Variants in CFAP54 observed in about 807,000 individuals in gnomAD.
CFAP54 encodes the protein cilia and flagella associated protein 54, also known as cilia- and flagella-associated protein 54.
In CFAP54, 290 loss-of-function variants were observed where a neutral mutation model predicts 370.4. The observed-to-expected ratio is 0.78, with a 90% confidence interval of 0.71 to 0.86. The LOEUF is 0.86. CFAP54 is among the 40% of genes least tolerant of loss of function. The pLI is 0.00. For synonymous variants in CFAP54, 1,206 were observed against 1,236.5 expected, an observed-to-expected ratio of 0.98 and a Z score of 0.52; for missense variants, 3,399 against 3,528.7, an observed-to-expected ratio of 0.96 and a Z score of 0.93.
At chr12:96,630,436 A>G in intron 31 of CFAP54, 115 bp from the exon 32 acceptor site, 2 of 643,806 alleles carry the variant, frequency 3.1e-6, no homozygotes, top group Non-Finnish European at 4.9e-6. Context: ...ATTTTAATTG[A>G]GGATATAAAC....
At chr12:96,490,408 A>C (rs971590335) in intron 1 of CFAP54, among the ~76,000 whole-genome samples, 1 of 152,250 alleles carries the variant, frequency 6.6e-6, no homozygotes, top group Non-Finnish European at 1.5e-5. Context: ...TTGTATCAAG[A>C]GCTAGCTTCA....
chr12:96,662,939 TATA>T (rs1182188765), intron 38 of CFAP54, among the ~76,000 whole-genome samples: 1 of 152,212 alleles, frequency 6.6e-6, no homozygotes. Flanking sequence ...TAATATATTA[TATA>T]ATGTACCATA....
At chr12:96,740,593 A>T (rs951933207) in intron 51 of CFAP54, among the ~76,000 whole-genome samples, 3 of 152,254 alleles carry the variant, frequency 2.0e-5, no homozygotes, top group Non-Finnish European at 4.4e-5. Context: ...AATTATAAAG[A>T]TTCATCATAT....
rs1956944004 is a variant in CFAP54 at position 96,658,094 on chromosome 12, T to C, written c.5313T>C (p.Asn1771=). 10 of 1,612,430 alleles carry C rather than the reference T, an allele frequency of 6.2e-6. No homozygotes were observed. The highest frequency in any genetic ancestry group is 7.6e-6 in the Non-Finnish European group (9 of 1,179,144). ...ETLVSLAIQF[N]TVSHERYTEQ... ...TAGTATCTCTTGCCATTCAGTTCAA[T>C]ACAGTTTCACAGTAAGTACTGCTGT... The change falls in exon 37 of 68, where the codon AAT becomes AAC. Residue 1771 remains asparagine (N), a synonymous_variant. Transcript: ENST00000524981.
intron 67 of CFAP54, among the ~76,000 whole-genome samples, chr12:96,869,750 A>T (rs1960101604): frequency 6.6e-6 from 1 of 151,910 alleles, no homozygotes; most frequent in Middle Eastern, 3.4e-3. Context: ...AGCCTGACCA[A>T]CATGGCGAAA....
At chr12:96,525,407 T>A (rs572014212) in intron 8 of CFAP54, among the ~76,000 whole-genome samples, 1 of 152,094 alleles carries the variant, frequency 6.6e-6, no homozygotes, top group Non-Finnish European at 1.5e-5. Context: ...TTTTTATAGA[T>A]CTTTTAAATA....
rs531752509 is a variant in CFAP54, at chr12:96,710,276, A to G, written c.6724+1473A>G. On this transcript the variant is annotated intron_variant, in intron 48 of 67. Coordinates refer to ENST00000524981, the MANE Select transcript of CFAP54 (RefSeq NM_001306084.2). Reference sequence around the variant, plus strand: ...GGGTGCGCCACACCACTGTGGGAGAAGGGAACACAGGAGAGCTTGGCTGCG... The same window carrying G: ...GGGTGCGCCACACCACTGTGGGAGAGGGGAACACAGGAGAGCTTGGCTGCG... 1.3e-3 allele frequency among the ~76,000 whole-genome samples: 192 copies of G among 152,320 alleles called. 1 individual carries two copies. Among genetic ancestry groups the G allele is most frequent in the African/African-American group, 4.4e-3 (184 of 41,566 alleles).
intron 19 of CFAP54, among the ~76,000 whole-genome samples, chr12:96,565,429 C>T (rs1486562206): frequency 2.0e-5 from 3 of 151,890 alleles, no homozygotes; most frequent in East Asian, 3.9e-4. Flanking sequence ...GAGTCAGACC[C>T]TTAGTATGCT....
intron 28 of CFAP54, 51 bp downstream of exon 28, chr12:96,623,932 C>T (rs570536947): frequency 7.3e-5 from 85 of 1,166,330 alleles, no homozygotes; most frequent in South Asian, 3.8e-4. Flanking sequence ...TTTTTTAAAA[C>T]GAGAAACTAT....
chr12:96,729,180 G>A (rs551023624), intron 50 of CFAP54, among the ~76,000 whole-genome samples: 64 of 152,282 alleles, frequency 4.2e-4, no homozygotes, highest in East Asian at 1.5e-3. Flanking sequence ...CTCCAGCTGC[G>A]TGCTGGGAGA....
chr12:96,684,554 T>C, intron 40 of CFAP54, 94 bp from the exon 41 acceptor site: 1 of 973,592 alleles, frequency 1.0e-6, no homozygotes, highest in South Asian at 1.5e-5. Flanking sequence ...ATCTACACAG[T>C]TAAGGAATAG....
At chr12:96,539,053 G>A (rs1351577666) in intron 13 of CFAP54, among the ~76,000 whole-genome samples, 3 of 140,258 alleles carry the variant, frequency 2.1e-5, no homozygotes, top group Non-Finnish European at 4.7e-5. Flanking sequence ...CACCACGCCC[G>A]GCCTTTTCAG....
At chr12:96,774,772 C>A in intron 60 of CFAP54, among the ~76,000 whole-genome samples, 1 of 152,046 alleles carries the variant, frequency 6.6e-6, no homozygotes, top group African/African-American at 2.4e-5. Context: ...GTTCACATCC[C>A]TTAGGGTGTT....
chr12:96,630,497 C>A, intron 31 of CFAP54, 54 bp from the exon 32 acceptor site: 1 of 911,812 alleles, frequency 1.1e-6, no homozygotes, highest in Non-Finnish European at 1.6e-6. Context: ...ATAAATTATA[C>A]TACTGTGTTC....
At chr12:96,805,488 A>G (rs1191977142) in intron 63 of CFAP54, among the ~76,000 whole-genome samples, 1 of 152,138 alleles carries the variant, frequency 6.6e-6, no homozygotes, top group Admixed American at 6.5e-5. Flanking sequence ...AGTGCTCAAC[A>G]TCACTAATCA....
At chr12:96,786,580 A>G (rs1958631415) in intron 61 of CFAP54, 95 bp from the exon 62 acceptor site, 2 of 851,856 alleles carry the variant, frequency 2.3e-6, no homozygotes, top group Admixed American at 2.7e-5. Context: ...AGGTGGGAAT[A>G]TGTAACGATA....
chr12:96,683,091 A>C (rs1957289597), intron 40 of CFAP54, among the ~76,000 whole-genome samples: 1 of 152,214 alleles, frequency 6.6e-6, no homozygotes, highest in Non-Finnish European at 1.5e-5. Flanking sequence ...CCTGAAATAA[A>C]ATTTGTATTT....
intron 65 of CFAP54, among the ~76,000 whole-genome samples, chr12:96,828,537 A>T (rs1471160064): frequency 6.6e-6 from 1 of 152,158 alleles, no homozygotes; most frequent in East Asian, 1.9e-4. Flanking sequence ...ATGATAGGGA[A>T]TCTGACAGAT....
chr12:96,764,958 C>A, intron 59 of CFAP54, 119 bp from the exon 60 acceptor site: 1 of 698,930 alleles, frequency 1.4e-6, no homozygotes, highest in Non-Finnish European at 2.1e-6. Context: ...TTTATTTTTT[C>A]CTCCAATGTA....
Sources: gnomAD v4.1 joint callset for allele counts (sites outside exome capture counted in the v4.1 genomes callset) on GRCh38, gnomAD v4.1.1 for gene constraint, MANE v1.5 for transcripts, NCBI Gene and HGNC (gene_info 2026-07-23, HGNC 2026-07-21) for gene names.